Variants in CLIP3 observed in about 807,000 individuals in gnomAD.
CLIP3 encodes the protein CAP-Gly domain containing linker protein 3.
CLIP3 carries 15 observed loss-of-function variants against 59.4 expected under a neutral mutation model. The ratio of observed to expected loss-of-function variants is 0.25; its 90% CI spans 0.17 to 0.39. The LOEUF (loss-of-function observed/expected upper bound fraction) is 0.39, where lower values mean the gene tolerates loss of function less well. CLIP3 is among the 10% of genes least tolerant of loss of function. CLIP3 has a pLI of 1.00. For missense variants in CLIP3, 495 were observed against 765.7 expected (o/e 0.65, Z 4.17); for synonymous variants, 300 against 321.6 (o/e 0.93, Z 0.72).
At chr19:36,017,065 C>G (rs1405114806) in intron 12 of CLIP3, 86 bp from the exon 13 acceptor site, 2 of 1,340,358 alleles carry the variant, frequency 1.5e-6, no homozygotes, top group Admixed American at 1.9e-5. Flanking sequence ...TCATTAATAC[C>G]TCCCCATGTC....
At chr19:36,024,082 G>C (rs111756377) in intron 7 of CLIP3, among the ~76,000 whole-genome samples, 1 of 152,146 alleles carries the variant, frequency 6.6e-6, no homozygotes, top group Non-Finnish European at 1.5e-5. Context: ...CACAAGACCC[G>C]GGGGGAGCCA....
rs1342593572 is a variant in CLIP3, at chr19:36,017,379, A to C, written c.1516+7T>G. ...CACTCCTCCCAACATATCATCCCCT[A>C]ACTCACTTGTCACTTGATGCACTTT... On this transcript the variant is annotated splice_region_variant and intron_variant, in intron 12 of 13. Transcript: ENST00000360535. 6.2e-7 allele frequency: 1 copy of C among 1,613,684 alleles called. No individual in the cohort carries two copies. The highest frequency in any genetic ancestry group is 1.7e-5 in the Admixed American group (1 of 60,006).
Position 36,032,583 on chromosome 19 carries a change from C to T in CLIP3, c.-59+141G>A. On this transcript the variant is annotated intron_variant, in intron 1 of 13. Transcript: ENST00000360535. This position sits in a 1 kb window ranked among gnomAD's most constrained non-coding sequence, Gnocchi z 4.3. Reference sequence around the variant, plus strand: ...TGTGTGCGCCCAGCGCCTGCCACCTCCCCCAGGCCCAGCCCCCCATTCTTC... The same window carrying T: ...TGTGTGCGCCCAGCGCCTGCCACCTTCCCCAGGCCCAGCCCCCCATTCTTC... 2 of 371,672 alleles carry T rather than the reference C, an allele frequency of 5.4e-6. No individual in the cohort carries two copies. The highest frequency in any genetic ancestry group is 9.6e-6 in the Non-Finnish European group (2 of 209,294). The allele number at this position is 371,672 out of a possible 1,614,324, so 23.0% of individuals were successfully genotyped here.
chr19:36,018,302 T>C (rs1377480081), intron 9 of CLIP3, among the ~76,000 whole-genome samples: 1 of 152,058 alleles, frequency 6.6e-6, no homozygotes, highest in Admixed American at 6.6e-5. Context: ...AATCAGGCCA[T>C]GTGCAGTGGC....
intron 9 of CLIP3, among the ~76,000 whole-genome samples, chr19:36,018,523 G>A (rs1015642717): frequency 1.3e-4 from 19 of 151,596 alleles, no homozygotes; most frequent in South Asian, 8.3e-4. Context: ...CGGAGGTTGC[G>A]GTGAGCCAAG....
At chr19:36,024,713 C>T (rs955707955) in intron 6 of CLIP3, 81 bp from the exon 7 acceptor site, 48 of 1,348,604 alleles carry the variant, frequency 3.6e-5, no homozygotes, top group Non-Finnish European at 4.1e-5. Context: ...TAGAGACCAC[C>T]AGTCTGGGTG....
At position 36,024,510 on chromosome 19, in the gene CLIP3, T is replaced by C; in HGVS notation, c.804A>G (p.Leu268=). 1.2e-6 allele frequency: 2 copies of C among 1,614,254 alleles called. No homozygotes were observed. Among genetic ancestry groups the C allele is most frequent in the Non-Finnish European group, 1.7e-6 (2 of 1,180,050 alleles). The change falls in exon 7 of 14, where the codon CTA becomes CTG. Residue 268 remains leucine, a synonymous_variant. Transcript: ENST00000360535. The part of the protein sequence containing the change: ...LRTLLEEAVP[L]SCALPKVTLP... ...GCGTGACCTTGGGGAGGGCGCAAGA[T>C]AGTGGCACTGCCTCTTCCAGAAGCG...
chr19:36,016,316 G>T lies in CLIP3; in HGVS notation c.1590-104C>A, dbSNP rs1968798414. The T allele has an allele frequency of 7.8e-7, 1 of 1,274,688 alleles. No homozygotes were observed. The highest frequency in any genetic ancestry group is 1.1e-6 in the Non-Finnish European group (1 of 889,304). The allele number at this position is 1,274,688 out of a possible 1,614,324, so 79.0% of individuals were successfully genotyped here. A position where few individuals can be genotyped will look rare whatever the true frequency, so the allele number is the denominator to read the frequency against. On this transcript the variant is annotated intron_variant, in intron 13 of 13. Coordinates refer to ENST00000360535, the MANE Select transcript of CLIP3 (RefSeq NM_015526.3). This position sits in a 1 kb window ranked among gnomAD's most constrained non-coding sequence, Gnocchi z 4.1. ...CAGTGTTTGCTATCAGGCCTTTCTG[G>T]ATTCTGCCTCTACCTCTCTGGCTGT... is the stretch of plus-strand genomic sequence containing the variant.
In CLIP3 at chr19:36,023,848, C is replaced by T. The variant is rs536207890; in HGVS notation, c.918+548G>A. Among the ~76,000 whole-genome samples the T allele has an allele frequency of 9.2e-5, 14 of 152,232 alleles. No individual in the cohort carries two copies. In the East Asian group the frequency reaches 2.5e-3, roughly 27 times the overall value. Reference sequence around the variant, plus strand: ...GTCCCGTATGGAGCCCAAGGGACACCGGGAAATGAGTGAAATTGGAGTCCC... The same window carrying T: ...GTCCCGTATGGAGCCCAAGGGACACTGGGAAATGAGTGAAATTGGAGTCCC... On this transcript the variant is annotated intron_variant, in intron 7 of 13. Coordinates refer to ENST00000360535, the MANE Select transcript of CLIP3 (RefSeq NM_015526.3).
intron 2 of CLIP3, among the ~76,000 whole-genome samples, chr19:36,030,995 C>CTTTTT (rs1263492540): frequency 1.8e-5 from 2 of 113,340 alleles, no homozygotes; most frequent in Non-Finnish European, 3.8e-5. Flanking sequence ...TTTCTTTTTT[C>CTTTTT]TTTTTTTCTT....
Position 36,017,842 on chromosome 19 carries a change from C to A in CLIP3, c.1327+6G>T. 6.2e-7 allele frequency: 1 copy of A among 1,614,162 alleles called. No individual in the cohort carries two copies. Among genetic ancestry groups the A allele is most frequent in the East Asian group, 2.2e-5 (1 of 44,880 alleles). On this transcript the variant is annotated splice_donor_region_variant and intron_variant, in intron 10 of 13. Coordinates refer to ENST00000360535, the MANE Select transcript of CLIP3 (RefSeq NM_015526.3). ...CTGCCTCCCGGCCCAGAGTCCCCAT[C>A]CTCACCTGGGGCAAAGTCTGTCTTC...
intron 2 of CLIP3, among the ~76,000 whole-genome samples, chr19:36,027,744 T>C (rs1191118505): frequency 1.3e-5 from 2 of 152,206 alleles, no homozygotes; most frequent in African/African-American, 2.4e-5. Context: ...CCACATCAAA[T>C]GTATCCATGA....
Position 36,019,222 on chromosome 19 carries a change from T to C in CLIP3, c.1003A>G (p.Asn335Asp). Residue 335 changes from asparagine (N) to aspartate (D), a missense_variant, in exon 8 of 14, where the codon AAC (asparagine) becomes GAC (aspartate). Around this residue, in one of 5 missense-constraint regions of CLIP3, gnomAD observed 194 missense variants for 327.8 expected, o/e 0.59. Coordinates refer to ENST00000360535, the MANE Select transcript of CLIP3 (RefSeq NM_015526.3). ...CGAACGCCCCCAACGCTGCCATCGTTCTTGCCCTCAGGTTCGTCCAGCTCC... is the reference window on the plus strand; with the variant it reads ...CGAACGCCCCCAACGCTGCCATCGTCCTTGCCCTCAGGTTCGTCCAGCTCC... ...GVELDEPEGK[N>D]DGSVGGVRYF... 6.2e-7 allele frequency: 1 copy of C among 1,614,078 alleles called. No individual in the cohort carries two copies. The highest frequency in any genetic ancestry group is 8.5e-7 in the Non-Finnish European group (1 of 1,180,040).
At chr19:36,024,741 G>A (rs979621506) in intron 6 of CLIP3, 109 bp from the exon 7 acceptor site, 7 of 1,073,818 alleles carry the variant, frequency 6.5e-6, no homozygotes, top group African/African-American at 1.6e-5. Flanking sequence ...GGTAAGACTA[G>A]GTCATATCCT....
Position 36,019,111 on chromosome 19 carries a change from C to T in CLIP3, c.1054+60G>A, listed in dbSNP as rs1037317506. 17 of 1,607,844 alleles carry T rather than the reference C, an allele frequency of 1.1e-5. No homozygotes were observed. In the Middle Eastern group the frequency reaches 6.6e-4, roughly 62 times the overall value. On this transcript the variant is annotated intron_variant, in intron 8 of 13. Coordinates refer to ENST00000360535, the MANE Select transcript of CLIP3 (RefSeq NM_015526.3). ...CCATCCCCTATTTCCCAGTCAGCAGCATCAGAACTGCCGAGTGGACACCCA... is the reference window on the plus strand; with the variant it reads ...CCATCCCCTATTTCCCAGTCAGCAGTATCAGAACTGCCGAGTGGACACCCA...
intron 7 of CLIP3, among the ~76,000 whole-genome samples, chr19:36,020,609 A>AT (rs1180448455): frequency 6.6e-6 from 1 of 152,214 alleles, no homozygotes; most frequent in Non-Finnish European, 1.5e-5. Flanking sequence ...AAGAAAAAAT[A>AT]TAAATAAATA....
rs758158229 is a variant in CLIP3 at position 36,032,273 on chromosome 19, C to T, written c.85G>A (p.Glu29Lys). Residue 29 changes from glutamate to lysine, a missense_variant, in exon 2 of 14, where the codon GAG becomes AAG. Glu to Lys is a moderately conservative substitution (Grantham distance 56). Around this residue, in one of 5 missense-constraint regions of CLIP3, gnomAD observed 90 missense variants for 105.2 expected, o/e 0.86. Transcript: ENST00000360535. This position sits in a 1 kb window ranked among gnomAD's most constrained non-coding sequence, Gnocchi z 4.3. ...CGCTCCTGGGTGGGGCTGGGGGCCT[C>T]GGGGACGGGTTCATCCTCCTCCTCC... ...EEEEEDEPVP[E>K]APSPTQERRQ... The T allele has an allele frequency of 1.7e-5, 22 of 1,297,220 alleles. No homozygotes were observed. Among genetic ancestry groups the T allele is most frequent in the African/African-American group, 4.6e-5 (3 of 65,580 alleles). The allele number at this position is 1,297,220 out of a possible 1,614,324, so 80.4% of individuals were successfully genotyped here.
chr19:36,026,072 G>C lies in CLIP3; in HGVS notation c.681+75C>G. 8.8e-7 allele frequency: 1 copy of C among 1,136,752 alleles called. No homozygotes were observed. Among genetic ancestry groups the C allele is most frequent in the Non-Finnish European group, 1.3e-6 (1 of 758,046 alleles). 70.4% of individuals were successfully genotyped at this position (1,136,752 alleles called of 1,614,324 possible). A position where few individuals can be genotyped will look rare whatever the true frequency, so the allele number is the denominator to read the frequency against. On this transcript the variant is annotated intron_variant, in intron 6 of 13. Transcript: ENST00000360535. The surrounding 1 kb of genome is among the most constrained non-coding windows in gnomAD (Gnocchi z 6.3). ...TAGTATTTGGGGAGTCACGGGAAAC[G>C]CAGAGACCTGCTGGAGGGAAGTGGG...
Position 36,026,610 on chromosome 19 carries a change from G to A in CLIP3, c.538C>T (p.Leu180=). 6.2e-7 allele frequency: 1 copy of A among 1,613,760 alleles called. No individual in the cohort carries two copies. Among genetic ancestry groups the A allele is most frequent in the South Asian group, 1.1e-5 (1 of 91,084 alleles). ...YFDVPDLVRV[L]LKGARPRVVN... is the part of the protein sequence containing the mutation. ...CCTCGCGGCCTCGCACCCTTCAGCA[G>A]CACACGCACGAGGTCGGGCACATCA... is the stretch of plus-strand genomic sequence containing the variant. The change falls in exon 5 of 14, where the codon CTG becomes TTG. Residue 180 remains leucine (L), a synonymous_variant. Transcript: ENST00000360535. This position sits in a 1 kb window ranked among gnomAD's most constrained non-coding sequence, Gnocchi z 6.3.
Sources: allele counts gnomAD v4.1 joint callset (sites outside exome capture counted in the v4.1 genomes callset), GRCh38; gene constraint gnomAD v4.1.1; regional missense constraint gnomAD v4.1.1; non-coding constraint Gnocchi (gnomAD v3.1); transcripts MANE v1.5; gene names NCBI Gene and HGNC (gene_info 2026-07-23, HGNC 2026-07-21).